Variants in LYST observed in about 807,000 individuals in gnomAD.
The protein encoded by LYST is lysosomal-trafficking regulator.
In LYST, 192 loss-of-function variants were observed where a neutral mutation model predicts 413.6. That is an observed-to-expected ratio of 0.46 (90% CI 0.41 to 0.52). LYST has a LOEUF of 0.52. Among genes scored for constraint, LYST ranks in the 20% least tolerant of loss-of-function variants. The probability of loss-of-function intolerance (pLI) is 0.00; values close to 1 mark genes in which losing one functional copy is unlikely to be tolerated. For missense variants in LYST, 3,815 were observed against 4,499.9 expected, an observed-to-expected ratio of 0.85 and a Z score of 4.35; for synonymous variants, 1,525 against 1,567.3, an observed-to-expected ratio of 0.97 and a Z score of 0.64.
chr1:235,824,638 A>G (rs1675128215), intron 3 of LYST, among the ~76,000 whole-genome samples: 2 of 152,256 alleles, frequency 1.3e-5, no homozygotes, highest in Admixed American at 1.3e-4. Context: ...GATATTTAAA[A>G]AGAGTATTTT....
At chr1:235,742,570 T>TTATA (rs35428246) in intron 30 of LYST, among the ~76,000 whole-genome samples, 1,582 of 146,892 alleles carry the variant, frequency 0.011, 23 homozygotes, top group African/African-American at 0.024. Flanking sequence ...AAATTTTATG[T>TTATA]TATATATATA....
chr1:235,878,951 G>C (rs983441197), intron 1 of LYST, among the ~76,000 whole-genome samples: 6 of 152,186 alleles, frequency 3.9e-5, no homozygotes, highest in Admixed American at 3.9e-4. Context: ...TTGAGTAGTG[G>C]TGAGGTCTGG....
chr1:235,689,111 A>T (rs1660454657), intron 47 of LYST, among the ~76,000 whole-genome samples: 1 of 151,842 alleles, frequency 6.6e-6, no homozygotes, highest in Non-Finnish European at 1.5e-5. Flanking sequence ...ATATATCTTT[A>T]GAAATGTATC....
At chr1:235,871,193 A>T (rs1421440806), upstream of LYST, among the ~76,000 whole-genome samples, 2 of 152,196 alleles carry the variant, frequency 1.3e-5, no homozygotes, top group Non-Finnish European at 2.9e-5. Context: ...CATCCATTTC[A>T]TTTTGCAAAA....
intron 3 of LYST, among the ~76,000 whole-genome samples, chr1:235,819,642 A>G (rs1035231883): frequency 6.6e-6 from 1 of 152,048 alleles, no homozygotes; most frequent in Non-Finnish European, 1.5e-5. Flanking sequence ...CTCTTATTTA[A>G]TACTTTTATT....
At position 235,664,100 on chromosome 1, in the gene LYST, C is replaced by T. The variant is rs755770613; in HGVS notation, c.11196-45G>A. 3 of 1,398,236 alleles carry T rather than the reference C, an allele frequency of 2.1e-6. No individual in the cohort carries two copies. Among genetic ancestry groups the T allele is most frequent in the Non-Finnish European group, 3.0e-6 (3 of 983,906 alleles). The allele number at this position is 1,398,236 out of a possible 1,614,324, so 86.6% of individuals were successfully genotyped here. A position where few individuals can be genotyped will look rare whatever the true frequency, so the allele number is the denominator to read the frequency against. On this transcript the variant is annotated intron_variant, in intron 51 of 52. Coordinates refer to ENST00000389793, the MANE Select transcript of LYST (RefSeq NM_000081.4). This position sits in a 1 kb window ranked among gnomAD's most constrained non-coding sequence, Gnocchi z 4.5. ...TCTAATTATGCAAACTAAAATTACT[C>T]TCCCTAAAAAGCCCTCTATATTTGT...
chr1:235,755,496 T>C lies in LYST; in HGVS notation c.7211A>G (p.His2404Arg). 11 of 1,613,718 alleles carry C rather than the reference T, an allele frequency of 6.8e-6. No individual in the cohort carries two copies. Among genetic ancestry groups the C allele is most frequent in the Non-Finnish European group, 9.3e-6 (11 of 1,179,684 alleles). ...CACTTACTCTTCATCAAGGCCAATA[T>C]GTCGACCAAAGAACATTTCGATGAA... ...ECFIEMFFGR[H>R]IGLDEEFDLE... The change falls in exon 25 of 53, where the codon CAT becomes CGT. Residue 2404 changes from histidine to arginine, a missense_variant. His to Arg is a conservative substitution (Grantham distance 29). Around this residue, in one of 4 missense-constraint regions of LYST, gnomAD observed 771 missense variants for 837.1 expected, o/e 0.92. Coordinates refer to ENST00000389793, the MANE Select transcript of LYST (RefSeq NM_000081.4).
Position 235,808,360 on chromosome 1 carries a change from C to A in LYST, c.2363+95G>T, listed in dbSNP as rs1425590670. The A allele has an allele frequency of 7.2e-6, 8 of 1,115,130 alleles. No individual in the cohort carries two copies. The Admixed American group carries it at 1.8e-4, about 25-fold the overall frequency. 69.1% of individuals were successfully genotyped at this position (1,115,130 alleles called of 1,614,324 possible). On this transcript the variant is annotated intron_variant, in intron 5 of 52. Transcript: ENST00000389793. ...GATATCAGTGTTAGAAGTTTAAATG[C>A]ATACAATTTATCACTCACTTGAAAG...
intron 31 of LYST, chr1:235,736,069 A>G (rs181712461): frequency 2.6e-5 from 4 of 152,272 alleles, no homozygotes; most frequent in African/African-American, 9.6e-5. Flanking sequence ...TTCATTGTGA[A>G]TATCAAAGGA....
At chr1:235,844,377 A>T (rs1043026905) in intron 1 of LYST, among the ~76,000 whole-genome samples, 1 of 152,224 alleles carries the variant, frequency 6.6e-6, no homozygotes, top group Non-Finnish European at 1.5e-5. Flanking sequence ...TAGATATCAT[A>T]TTCTCTAACC....
chr1:235,797,323 G>A (rs568412496), intron 10 of LYST, among the ~76,000 whole-genome samples: 2 of 152,328 alleles, frequency 1.3e-5, no homozygotes, highest in Admixed American at 1.3e-4. Flanking sequence ...TAACTTTACA[G>A]TGGAGAGACC....
chr1:235,687,444 T>C (rs1660307443), intron 47 of LYST, among the ~76,000 whole-genome samples: 1 of 152,216 alleles, frequency 6.6e-6, no homozygotes, highest in African/African-American at 2.4e-5. Context: ...CCTCGTTTTA[T>C]GTCTTTGGTG....
At position 235,746,462 on chromosome 1, in the gene LYST, C is replaced by T; in HGVS notation, c.7846G>A (p.Asp2616Asn). 6 of 1,613,870 alleles carry T rather than the reference C, an allele frequency of 3.7e-6. No individual in the cohort carries two copies. Among genetic ancestry groups the T allele is most frequent in the Non-Finnish European group, 5.1e-6 (6 of 1,179,850 alleles). ...LLMKMRSVAN[D>N]ELHVMMQRRM... ...CGTTGCATCATCACATGAAGCTCAT[C>T]ATTTGCCACTGAACGCATTTTCATC... Residue 2616 changes from aspartate (D) to asparagine (N), a missense_variant, in exon 29 of 53, where the codon GAT (aspartate) becomes AAT (asparagine). Around this residue, in one of 4 missense-constraint regions of LYST, gnomAD observed 771 missense variants for 837.1 expected, o/e 0.92. Coordinates refer to ENST00000389793, the MANE Select transcript of LYST (RefSeq NM_000081.4).
intron 43 of LYST, 38 bp downstream of exon 43, chr1:235,712,019 C>T (rs1662440302): frequency 2.0e-6 from 3 of 1,467,042 alleles, no homozygotes; most frequent in South Asian, 2.8e-5. Flanking sequence ...AACCACAAGC[C>T]CTCAGAAATA....
At chr1:235,742,542 A>T (rs1472285832) in intron 30 of LYST, among the ~76,000 whole-genome samples, 1 of 150,486 alleles carries the variant, frequency 6.6e-6, no homozygotes, top group African/African-American at 2.5e-5. Context: ...ATGTATCCTT[A>T]AAAATGGTTA....
rs1221940973 is a variant in LYST, at chr1:235,702,748, G to T, written c.10373C>A (p.Pro3458Gln). ...TREQVKEITY[P>Q]SPLSWIKGLK... ...TCGATTGAAATCCAAATGACATACC[G>T]GATAGGTGATTTCTTTGACCTGTTC... is the stretch of plus-strand genomic sequence containing the variant. Residue 3458 changes from proline (P) to glutamine (Q), a missense_variant and splice_region_variant, in exon 45 of 53, where the codon CCG (proline) becomes CAG (glutamine). By Grantham distance (76) the Pro-to-Gln change is moderately conservative. Coordinates refer to ENST00000389793, the MANE Select transcript of LYST (RefSeq NM_000081.4). 6.2e-7 allele frequency: 1 copy of T among 1,612,892 alleles called. No homozygotes were observed. Among genetic ancestry groups the T allele is most frequent in the Non-Finnish European group, 8.5e-7 (1 of 1,178,948 alleles).
chr1:235,757,520 AG>A, intron 23 of LYST, 62 bp from the exon 24 acceptor site: 1 of 1,225,760 alleles, frequency 8.2e-7, no homozygotes, highest in Non-Finnish European at 1.2e-6. Flanking sequence ...TGATTACCTT[AG>A]GAACTGTGAC....
Position 235,755,348 on chromosome 1 carries a change from C to T in LYST, c.7229+130G>A, listed in dbSNP as rs1666914628. ...AAGTTGCAGTGAGCCGAGATTGCAC[C>T]ATTGCACTCCAGCCTGGGCAACAGG... On this transcript the variant is annotated intron_variant, in intron 25 of 52. Transcript: ENST00000389793. 32 of 843,280 alleles carry T rather than the reference C, an allele frequency of 3.8e-5. No homozygotes were observed. In the South Asian group the frequency reaches 4.2e-4, roughly 11 times the overall value. The allele number at this position is 843,280 out of a possible 1,614,324, so 52.2% of individuals were successfully genotyped here. A position where few individuals can be genotyped will look rare whatever the true frequency, so the allele number is the denominator to read the frequency against.
chr1:235,861,044 T>A (rs1223436526), intron 1 of LYST, among the ~76,000 whole-genome samples: 1 of 152,220 alleles, frequency 6.6e-6, no homozygotes, highest in Non-Finnish European at 1.5e-5. Context: ...CATTCCTTGT[T>A]ATTGCTAAGT....
Sources: gnomAD v4.1 joint callset for allele counts (sites outside exome capture counted in the v4.1 genomes callset) on GRCh38, gnomAD v4.1.1 for gene constraint, gnomAD v4.1.1 regional missense constraint, Gnocchi (gnomAD v3.1) non-coding constraint, MANE v1.5 for transcripts, NCBI Gene and HGNC (gene_info 2026-07-23, HGNC 2026-07-21) for gene names.